The following CPOX variants were observed in gnomAD, a reference collection of about 807,000 sequenced individuals.
The protein encoded by CPOX is coproporphyrinogen oxidase.
A neutral mutation model predicts 48.9 loss-of-function variants in CPOX; 24 were observed. The ratio of observed to expected loss-of-function variants is 0.49; its 90% confidence interval spans 0.36 to 0.69. The LOEUF is 0.69. Among genes scored for constraint, CPOX ranks in the 30% least tolerant of loss-of-function variants. The pLI, the probability that CPOX is intolerant of heterozygous loss-of-function variation, is 0.00. For missense variants in CPOX, 549 were observed against 597.3 expected, an observed-to-expected ratio of 0.92 and a Z score of 0.84; for synonymous variants, 249 against 234.6, an observed-to-expected ratio of 1.06 and a Z score of -0.56.
At position 98,591,054 on chromosome 3, in the gene CPOX, T is replaced by C. The variant is rs756992469; in HGVS notation, c.658A>G (p.Lys220Glu). The C allele has an allele frequency of 5.0e-6, 8 of 1,614,190 alleles. No individual in the cohort carries two copies. The East Asian group carries it at 1.6e-4, about 31-fold the overall frequency. The change falls in exon 2 of 7, where the codon AAA becomes GAA. Residue 220 changes from lysine (K) to glutamate (E), a missense_variant. Physicochemically the swap from Lys to Glu is moderately conservative, Grantham distance 56 (BLOSUM62 1). This residue lies in a region of CPOX where 336 missense variants were observed against 318.1 expected (regional missense o/e 1.06). Transcript: ENST00000647941. ...VHGNLSEEAA[K>E]QMRSRGKVLK... Reference sequence around the variant, plus strand: ...ACTTTTCCTCTGCTTCTCATTTGTTTTGCAGCTTCCTCTGAAAGATTTCCA... The same window carrying C: ...ACTTTTCCTCTGCTTCTCATTTGTTCTGCAGCTTCCTCTGAAAGATTTCCA...
downstream of CPOX, chr3:98,578,299 T>C: frequency 1.1e-6 from 1 of 873,574 alleles, no homozygotes; most frequent in Non-Finnish European, 1.4e-6. Context: ...AAAAATTTTA[T>C]CTTCATTTAC....
rs535942749 is a variant in CPOX, at chr3:98,593,483, G to A, written c.22C>T (p.Leu8=). 5.9e-6 allele frequency: 9 copies of A among 1,518,008 alleles called. No homozygotes were observed. In the Admixed American group the frequency reaches 1.0e-4, roughly 17 times the overall value. 94.0% of individuals were successfully genotyped at this position (1,518,008 alleles called of 1,614,324 possible). A position where few individuals can be genotyped will look rare whatever the true frequency, so the allele number is the denominator to read the frequency against. ...ACGAGCCAGCAGGGGCCCGAGCTCA[G>A]CCTGCCCAGCTGCAAGGCCATGTTC... MALQLGR[L]SSGPCWLVAR... The change falls in exon 1 of 7, where the codon CTG becomes TTG. Residue 8 remains leucine (L), a synonymous_variant. Transcript: ENST00000647941.
downstream of CPOX, among the ~76,000 whole-genome samples, chr3:98,577,938 G>A (rs12496562): frequency 0.33 from 49,796 of 152,074 alleles, 8,348 homozygotes; most frequent in African/African-American, 0.4. Context: ...TCCTTAGCGT[G>A]CAGAAGCACT....
chr3:98,576,338 T>G (rs1707162493), downstream of CPOX, among the ~76,000 whole-genome samples: 1 of 152,078 alleles, frequency 6.6e-6, no homozygotes, highest in Non-Finnish European at 1.5e-5. Flanking sequence ...CCTTATAAAA[T>G]TATCAGATCC....
chr3:98,588,635 A>G, intron 4 of CPOX, 78 bp downstream of exon 4: 2 of 1,440,092 alleles, frequency 1.4e-6, no homozygotes. Flanking sequence ...AGAAGAGGGT[A>G]TTTAGTGACA....
rs1707513853 is a variant in CPOX at position 98,593,134 on chromosome 3, G to A, written c.371C>T (p.Ala124Val). The part of the protein sequence containing the change: ...GRPEEEEDEL[A>V]HRCSSFMAPP... Reference sequence around the variant, plus strand: ...GGCCATGAAGCTGCTGCAGCGGTGGGCCAGCTCATCCTCCTCCTCCTCCGG... The same window carrying A: ...GGCCATGAAGCTGCTGCAGCGGTGGACCAGCTCATCCTCCTCCTCCTCCGG... The change falls in exon 1 of 7, where the codon GCC becomes GTC. Residue 124 changes from alanine to valine, a missense_variant. By Grantham distance (64) the Ala-to-Val change is moderately conservative. Transcript: ENST00000647941. 2 of 1,612,850 alleles carry A rather than the reference G, an allele frequency of 1.2e-6. No homozygotes were observed. Among genetic ancestry groups the A allele is most frequent in the East Asian group, 2.2e-5 (1 of 44,830 alleles).
Position 98,584,877 on chromosome 3 carries a change from A to G in CPOX, c.1172+564T>C, listed in dbSNP as rs902245925. ...GGCACTACACAGACTATAAGTTTTG[A>G]GGTCATTTTGACCCAGTTCCACATC... On this transcript the variant is annotated intron_variant, in intron 5 of 6. Transcript: ENST00000647941. Among the ~76,000 whole-genome samples, 7 of 152,188 alleles carry G rather than the reference A, an allele frequency of 4.6e-5. No individual in the cohort carries two copies. The South Asian group carries it at 8.3e-4, about 18-fold the overall frequency.
At position 98,581,576 on chromosome 3, in the gene CPOX, C is replaced by T; in HGVS notation, c.1173-65G>A. 2.3e-6 allele frequency: 3 copies of T among 1,312,072 alleles called. No homozygotes were observed. The South Asian group carries it at 3.5e-5, about 16-fold the overall frequency. 81.3% of individuals were successfully genotyped at this position (1,312,072 alleles called of 1,614,324 possible). On this transcript the variant is annotated intron_variant, in intron 5 of 6. Transcript: ENST00000647941. ...ATAAAATCTTAAGACTAACCCATAA[C>T]AAATACTTAAAAAGGGGTGGGTTCT...
chr3:98,579,815 A>C lies in CPOX; in HGVS notation c.*868T>G. ...ATATATACTTGCTTTAAAGAAGGAA[A>C]TTATTTCTCATTTCATTTTCCAAAT... On this transcript the variant is annotated 3_prime_UTR_variant, in exon 7 of 7. Transcript: ENST00000647941. 4.1e-6 allele frequency: 4 copies of C among 985,484 alleles called. No individual in the cohort carries two copies. The highest frequency in any genetic ancestry group is 4.8e-6 in the Non-Finnish European group (4 of 829,566). The allele number at this position is 985,484 out of a possible 1,614,324, so 61.0% of individuals were successfully genotyped here.
In CPOX at chr3:98,580,766, C is replaced by T; in HGVS notation, c.1282G>A (p.Glu428Lys). ...TTCTCTGAGGGTGAATGCATGTACT[C>T]CCATCTATGCATGTCCAAAACAAAA... ...LMSLPLTARW[E>K]YMHSPSENSK... The change falls in exon 7 of 7, where the codon GAG (glutamate) becomes AAG (lysine). Residue 428 changes from glutamate (E) to lysine (K), a missense_variant. Physicochemically the swap from Glu to Lys is moderately conservative, Grantham distance 56 (BLOSUM62 1). Coordinates refer to ENST00000647941, the MANE Select transcript of CPOX (RefSeq NM_000097.7). 1 of 1,613,998 alleles carries T rather than the reference C, an allele frequency of 6.2e-7. No individual in the cohort carries two copies. The highest frequency in any genetic ancestry group is 8.5e-7 in the Non-Finnish European group (1 of 1,179,932).
chr3:98,593,392 C>A lies in CPOX; in HGVS notation c.113G>T (p.Trp38Leu). ...GCGTCCGGCTGCGCTGCGCTGGGAC[C>A]AGGCTCGGAGCCCTCCGCCGCCGCA... ...SQCGGGGLRA[W>L]SQRSAAGRVC... Residue 38 changes from tryptophan to leucine, a missense_variant, in exon 1 of 7, where the codon TGG (tryptophan) becomes TTG (leucine). This residue lies in a region of CPOX where 336 missense variants were observed against 318.1 expected (regional missense o/e 1.06). Coordinates refer to ENST00000647941, the MANE Select transcript of CPOX (RefSeq NM_000097.7). The A allele has an allele frequency of 7.2e-7, 1 of 1,395,032 alleles. No individual in the cohort carries two copies. The allele number at this position is 1,395,032 out of a possible 1,614,324, so 86.4% of individuals were successfully genotyped here. A position where few individuals can be genotyped will look rare whatever the true frequency, so the allele number is the denominator to read the frequency against.
intron 2 of CPOX, 66 bp from the exon 3 acceptor site, chr3:98,590,808 T>A: frequency 8.0e-7 from 1 of 1,257,184 alleles, no homozygotes. Flanking sequence ...ACAATTTCAC[T>A]CTAATATGAT....
chr3:98,590,687 AG>A lies in CPOX; in HGVS notation c.755del (p.Pro252LeufsTer15). 6.2e-7 allele frequency: 1 copy of A among 1,614,142 alleles called. No homozygotes were observed. Among genetic ancestry groups the A allele is most frequent in the Admixed American group, 1.7e-5 (1 of 60,032 alleles). ...GVSSVIHPKN[P>X]HAPTIHFNYR... ...AGTTGAAATGGATAGTAGGAGCATGAGGATTCTTGGGGTGGATAACAGAGCT... is the reference window on the plus strand; with the variant it reads ...AGTTGAAATGGATAGTAGGAGCATGAGATTCTTGGGGTGGATAACAGAGCT... On this transcript the variant is annotated frameshift_variant, in exon 3 of 7. Coordinates refer to ENST00000647941, the MANE Select transcript of CPOX (RefSeq NM_000097.7). LOFTEE classifies it high-confidence loss of function.
intron 3 of CPOX, 197 bp downstream of exon 3, chr3:98,590,435 C>T (rs1707456782): frequency 3.2e-6 from 2 of 625,376 alleles, no homozygotes; most frequent in African/African-American, 1.8e-5. Context: ...AGGTATGAGC[C>T]ACCAAGCCTG....
chr3:98,574,735 C>G (rs1211952255), downstream of CPOX, among the ~76,000 whole-genome samples: 1 of 152,136 alleles, frequency 6.6e-6, no homozygotes, highest in East Asian at 1.9e-4. Flanking sequence ...CCCATCACCA[C>G]GCCTGGCTAA....
chr3:98,588,697 C>T lies in CPOX; in HGVS notation c.953+16G>A. On this transcript the variant is annotated intron_variant, in intron 4 of 6. Coordinates refer to ENST00000647941, the MANE Select transcript of CPOX (RefSeq NM_000097.7). ...ATGTAATTTTGGGGTCATGAAAGTT[C>T]AGTAACTTTACCTACCATTTTTTAA... is the stretch of plus-strand genomic sequence containing the variant. 3.1e-6 allele frequency: 5 copies of T among 1,613,942 alleles called. No homozygotes were observed. The highest frequency in any genetic ancestry group is 4.2e-6 in the Non-Finnish European group (5 of 1,179,884).
At chr3:98,581,343 T>C (rs188436755) in intron 6 of CPOX, 64 bp downstream of exon 6, 1 of 1,167,324 alleles carries the variant, frequency 8.6e-7, no homozygotes, top group Non-Finnish European at 1.3e-6. Context: ...TTAACTTTCA[T>C]ATTTTGTGGG....
In CPOX at chr3:98,579,741, C is replaced by A; in HGVS notation, c.*942G>T. The A allele has an allele frequency of 5.1e-6, 5 of 985,364 alleles. No individual in the cohort carries two copies. The East Asian group carries it at 4.5e-4, about 89-fold the overall frequency. The allele number at this position is 985,364 out of a possible 1,614,324, so 61.0% of individuals were successfully genotyped here. A position where few individuals can be genotyped will look rare whatever the true frequency, so the allele number is the denominator to read the frequency against. On this transcript the variant is annotated 3_prime_UTR_variant, in exon 7 of 7. Transcript: ENST00000647941. ...AAAAAGAGGACATTTTCAATGTGTCCATTTTCCTAAGAAACGTGTGTATGA... is the reference window on the plus strand; with the variant it reads ...AAAAAGAGGACATTTTCAATGTGTCAATTTTCCTAAGAAACGTGTGTATGA...
chr3:98,593,369 G>A lies in CPOX; in HGVS notation c.136C>T (p.Arg46Cys). Residue 46 changes from arginine (R) to cysteine (C), a missense_variant, in exon 1 of 7, where the codon CGC becomes TGC. Around this residue, in one of 2 missense-constraint regions of CPOX, gnomAD observed 336 missense variants for 318.1 expected, o/e 1.06. Coordinates refer to ENST00000647941, the MANE Select transcript of CPOX (RefSeq NM_000097.7). ...RAWSQRSAAG[R>C]VCRPPGPAGT... is the part of the protein sequence containing the mutation. ...GCCGGGCCAGGGGGCCGGCAGACGCGTCCGGCTGCGCTGCGCTGGGACCAG... is the reference window on the plus strand; with the variant it reads ...GCCGGGCCAGGGGGCCGGCAGACGCATCCGGCTGCGCTGCGCTGGGACCAG... The A allele has an allele frequency of 1.5e-6, 2 of 1,341,918 alleles. No individual in the cohort carries two copies. Among genetic ancestry groups the A allele is most frequent in the Non-Finnish European group, 1.9e-6 (2 of 1,058,602 alleles). 83.1% of individuals were successfully genotyped at this position (1,341,918 alleles called of 1,614,324 possible).
Sources: gnomAD v4.1 joint callset for allele counts (sites outside exome capture counted in the v4.1 genomes callset) on GRCh38, gnomAD v4.1.1 for gene constraint, gnomAD v4.1.1 regional missense constraint, MANE v1.5 for transcripts, NCBI Gene and HGNC (gene_info 2026-07-23, HGNC 2026-07-21) for gene names.